The following AGO3 variants were observed in gnomAD, a reference collection of about 807,000 sequenced individuals.
AGO3 encodes the protein protein argonaute-3.
Under a neutral mutation model 105.5 loss-of-function variants are expected in AGO3, and 16 were observed. The ratio of observed to expected loss-of-function variants is 0.15; its 90% CI spans 0.10 to 0.23. The LOEUF (loss-of-function observed/expected upper bound fraction) is 0.23. Ranked by LOEUF, AGO3 falls within the 10% of genes least tolerant of loss-of-function variation. The probability of loss-of-function intolerance (pLI) is 1.00; values close to 1 mark genes in which losing one functional copy is unlikely to be tolerated. For missense variants in AGO3, 534 were observed against 1,088.0 expected (o/e 0.49, Z 7.16); for synonymous variants, 340 against 367.3 (o/e 0.93, Z 0.85).
chr1:35,988,260 A>AG (rs533995861), intron 5 of AGO3, among the ~76,000 whole-genome samples: 70 of 152,304 alleles, frequency 4.6e-4, no homozygotes, highest in African/African-American at 1.6e-3. Context: ...ACCACAATCA[A>AG]GGTAATGAAT....
chr1:36,019,782 G>A (rs1641118860), intron 11 of AGO3, among the ~76,000 whole-genome samples: 1 of 152,120 alleles, frequency 6.6e-6, no homozygotes, highest in South Asian at 2.1e-4. Flanking sequence ...TTGTTTGTTT[G>A]TTTTGAGACA....
chr1:36,047,034 C>T (rs545838467), intron 17 of AGO3, among the ~76,000 whole-genome samples: 1 of 152,100 alleles, frequency 6.6e-6, no homozygotes, highest in Admixed American at 6.6e-5. Context: ...CACCTGAGGT[C>T]GGGAGTTCAA....
At chr1:36,029,430 T>C (rs1354117010) in intron 12 of AGO3, among the ~76,000 whole-genome samples, 1 of 148,498 alleles carries the variant, frequency 6.7e-6, no homozygotes, top group Non-Finnish European at 1.5e-5. Flanking sequence ...AGTCTCGCTC[T>C]GTCGCCCAGG....
chr1:35,967,031 A>G lies in AGO3; in HGVS notation c.268A>G (p.Arg90Gly). 6.2e-7 allele frequency: 1 copy of G among 1,613,872 alleles called. No individual in the cohort carries two copies. Among genetic ancestry groups the G allele is most frequent in the Non-Finnish European group, 8.5e-7 (1 of 1,179,908 alleles). The change falls in exon 3 of 19, where the codon AGA becomes GGA. Residue 90 changes from arginine (R) to glycine (G), a missense_variant. Arg to Gly is a moderately radical substitution (Grantham distance 125, BLOSUM62 -2). Transcript: ENST00000373191. The part of the protein sequence containing the change: ...GDRRPVYDGK[R>G]SLYTANPLPV... ...CCGTAGACCAGTTTATGATGGAAAA[A>G]GAAGTCTTTACACCGCCAATCCACT...
intron 4 of AGO3, 30 bp from the exon 5 acceptor site, chr1:35,973,345 G>A: frequency 6.9e-7 from 1 of 1,459,422 alleles, no homozygotes; most frequent in South Asian, 1.5e-5. Context: ...GAGAAGGAAA[G>A]GATTGAACAT....
In AGO3 at chr1:36,055,156, A is replaced by G. The variant is rs1003350605; in HGVS notation, c.2474+11A>G. The G allele has an allele frequency of 2.5e-6, 4 of 1,578,164 alleles. No homozygotes were observed. In the African/African-American group the frequency reaches 5.4e-5, roughly 21 times the overall value. ...CAAAGAACATGACAGGTAATATAAA[A>G]GCATAACAGGTTCTCACCCAAATCC... On this transcript the variant is annotated intron_variant, in intron 18 of 18. Transcript: ENST00000373191. The surrounding 1 kb of genome is among the most constrained non-coding windows in gnomAD (Gnocchi z 4.4).
intron 2 of AGO3, among the ~76,000 whole-genome samples, chr1:35,963,530 A>G (rs1486270492): frequency 1.3e-5 from 2 of 152,086 alleles, no homozygotes; most frequent in Non-Finnish European, 2.9e-5. Flanking sequence ...TGGAGATGGA[A>G]AGAAAATCAG....
chr1:36,043,692 CA>C, intron 17 of AGO3, 144 bp downstream of exon 17: 1 of 697,620 alleles, frequency 1.4e-6, no homozygotes. Context: ...TTTCAGTAAA[CA>C]AATGTCTTCC....
At chr1:36,034,389 A>G in intron 13 of AGO3, 56 bp downstream of exon 13, 2 of 1,334,008 alleles carry the variant, frequency 1.5e-6, no homozygotes, top group Non-Finnish European at 2.0e-6. Context: ...ATTTGTCTAT[A>G]TATGACCATA....
Position 36,069,419 on chromosome 1 carries a change from T to G in AGO3, c.*13674T>G, listed in dbSNP as rs1376219434. ...AATTGTTGTAAGAATAAGATAATGT[T>G]TGCGGAAGCATTTGAGTTCTCCAAA... On this transcript the variant is annotated 3_prime_UTR_variant, in exon 19 of 19. Coordinates refer to ENST00000373191, the MANE Select transcript of AGO3 (RefSeq NM_024852.4). The G allele has an allele frequency of 1.3e-5, 2 of 152,212 alleles. No individual in the cohort carries two copies. The highest frequency in any genetic ancestry group is 2.9e-5 in the Non-Finnish European group (2 of 68,030). The allele number at this position is 152,212 out of a possible 1,614,324, so 9.4% of individuals were successfully genotyped here. A position where few individuals can be genotyped will look rare whatever the true frequency, so the allele number is the denominator to read the frequency against.
intron 17 of AGO3, among the ~76,000 whole-genome samples, chr1:36,047,010 C>T (rs545029435): frequency 2.2e-4 from 34 of 152,204 alleles, no homozygotes; most frequent in African/African-American, 7.5e-4. Flanking sequence ...TTTGGGAGGC[C>T]GAGGCAGGCA....
intron 9 of AGO3, among the ~76,000 whole-genome samples, chr1:36,010,900 C>A: frequency 8.7e-6 from 1 of 114,670 alleles, no homozygotes; most frequent in African/African-American, 3.3e-5. Context: ...GAGCGAAACT[C>A]TGTCAAAAAA....
In AGO3 at chr1:36,063,236, A is replaced by G. The variant is rs1643046160; in HGVS notation, c.*7491A>G. Reference sequence around the variant, plus strand: ...AGACAGATTTCTACATGTGGAGGGGAGGTGGGGCTTTCCTGTAAGTTTGAT... The same window carrying G: ...AGACAGATTTCTACATGTGGAGGGGGGGTGGGGCTTTCCTGTAAGTTTGAT... On this transcript the variant is annotated 3_prime_UTR_variant, in exon 19 of 19. Coordinates refer to ENST00000373191, the MANE Select transcript of AGO3 (RefSeq NM_024852.4). 6.6e-6 allele frequency: 1 copy of G among 152,044 alleles called. No homozygotes were observed. The highest frequency in any genetic ancestry group is 2.4e-5 in the African/African-American group (1 of 41,398). 9.4% of individuals were successfully genotyped at this position (152,044 alleles called of 1,614,324 possible).
At chr1:35,952,301 C>T (rs1646489281) in intron 2 of AGO3, among the ~76,000 whole-genome samples, 1 of 151,864 alleles carries the variant, frequency 6.6e-6, no homozygotes, top group Non-Finnish European at 1.5e-5. Context: ...TGCCACCATG[C>T]CTGGCTAATT....
chr1:36,004,294 T>A (rs758802465), intron 5 of AGO3, 47 bp from the exon 6 acceptor site: 3 of 1,564,640 alleles, frequency 1.9e-6, no homozygotes, highest in African/African-American at 2.7e-5. Context: ...AGTTTCTGAA[T>A]TTTTTAGGGA....
Position 36,055,002 on chromosome 1 carries a change from A to G in AGO3, c.2331A>G (p.Ala777=). Residue 777 remains alanine, a synonymous_variant, in exon 18 of 19, where the codon GCA becomes GCG. Coordinates refer to ENST00000373191, the MANE Select transcript of AGO3 (RefSeq NM_024852.4). This position sits in a 1 kb window ranked among gnomAD's most constrained non-coding sequence, Gnocchi z 4.4. ...TATGGGATGATAACTGCTTTACTGC[A>G]GATGAACTTCAGCTGCTAACTTACC... ...HVLWDDNCFT[A]DELQLLTYQL... is the part of the protein sequence containing the mutation. 4.3e-6 allele frequency: 7 copies of G among 1,614,238 alleles called. No homozygotes were observed. Among genetic ancestry groups the G allele is most frequent in the Non-Finnish European group, 5.9e-6 (7 of 1,180,048 alleles).
intron 2 of AGO3, among the ~76,000 whole-genome samples, chr1:35,964,102 A>G (rs947615536): frequency 6.6e-5 from 10 of 152,262 alleles, no homozygotes; most frequent in African/African-American, 2.2e-4. Flanking sequence ...GTGTATGTAT[A>G]TATCCTGCTT....
rs573457185 is a variant in AGO3, at chr1:36,045,245, G to A, written c.2274+1697G>A. Among the ~76,000 whole-genome samples the A allele has an allele frequency of 1.6e-4, 24 of 151,152 alleles. No homozygotes were observed. The East Asian group carries it at 1.7e-3, about 11-fold the overall frequency. The stretch of plus-strand genomic sequence containing the variant: ...AACAACTACATTTTTTTTTTTTAAC[G>A]GAGTCTCACTCTGTCACCCAGGCTG... On this transcript the variant is annotated intron_variant, in intron 17 of 18. Transcript: ENST00000373191.
chr1:35,945,660 G>T, intron 1 of AGO3, 32 bp from the exon 2 acceptor site: 1 of 1,604,770 alleles, frequency 6.2e-7, no homozygotes, highest in African/African-American at 1.3e-5. Flanking sequence ...GCTTGTAACT[G>T]TGACTCTTTT....
Sources: allele counts gnomAD v4.1 joint callset (sites outside exome capture counted in the v4.1 genomes callset), GRCh38; gene constraint gnomAD v4.1.1; non-coding constraint Gnocchi (gnomAD v3.1); transcripts MANE v1.5; gene names NCBI Gene and HGNC (gene_info 2026-07-23, HGNC 2026-07-21).